Variants in NDUFS7 observed in about 807,000 individuals in gnomAD.
The protein encoded by NDUFS7 is NADH:ubiquinone oxidoreductase core subunit S7.
Under a neutral mutation model 31.1 loss-of-function variants are expected in NDUFS7, and 11 were observed. The ratio of observed to expected loss-of-function variants is 0.35; its 90% confidence interval spans 0.22 to 0.59. NDUFS7 has a LOEUF of 0.59. Ranked by LOEUF, NDUFS7 falls within the 20% of genes least tolerant of loss-of-function variation. The pLI is 0.79. For missense variants in NDUFS7, 263 were observed against 324.2 expected (o/e 0.81, Z 1.45); for synonymous variants, 136 against 127.9 (o/e 1.06, Z -0.43).
At chr19:1,394,825 C>T in intron 7 of NDUFS7, 2 of 1,165,652 alleles carry the variant, frequency 1.7e-6, no homozygotes, top group Non-Finnish European at 2.1e-6. Context: ...CCTGCTGTCC[C>T]CGTTGGGCCC....
At chr19:1,384,065 C>A (rs1766810023) in intron 1 of NDUFS7, 123 bp downstream of exon 1, 2 of 1,094,620 alleles carry the variant, frequency 1.8e-6, no homozygotes, top group South Asian at 1.8e-5. Flanking sequence ...CCGGGCTTCT[C>A]CGAGCCGGCC....
rs760759163 is a variant in NDUFS7 at position 1,389,101 on chromosome 19, G to A, written c.228+163G>A. The A allele has an allele frequency of 6.8e-6, 5 of 730,916 alleles. No homozygotes were observed. The African/African-American group carries it at 8.6e-5, about 13-fold the overall frequency. The allele number at this position is 730,916 out of a possible 1,614,324, so 45.3% of individuals were successfully genotyped here. A position where few individuals can be genotyped will look rare whatever the true frequency, so the allele number is the denominator to read the frequency against. Reference sequence around the variant, plus strand: ...TGCAAGCTCACATGTATGGACAGATGTGTACACGGACCACACGCACACTCA... The same window carrying A: ...TGCAAGCTCACATGTATGGACAGATATGTACACGGACCACACGCACACTCA... On this transcript the variant is annotated intron_variant, in intron 4 of 7. Transcript: ENST00000233627.
chr19:1,394,660 C>T (rs1031571234), intron 7 of NDUFS7: 20 of 1,226,108 alleles, frequency 1.6e-5, no homozygotes, highest in Non-Finnish European at 2.1e-5. Context: ...CCTCGCTCCT[C>T]CCTCCCTCCC....
At chr19:1,389,387 GCACACAGGCACACTCACTGATGCACA>G in intron 4 of NDUFS7, 1 of 462,154 alleles carries the variant, frequency 2.2e-6, no homozygotes, top group South Asian at 1.5e-5. Flanking sequence ...TGGCATGCAT[GCACACAGGCACACTCACTGATGCACA>G]CACACCCCTG....
chr19:1,390,391 GC>G, intron 4 of NDUFS7: 1 of 226,786 alleles, frequency 4.4e-6, no homozygotes, highest in South Asian at 6.0e-5. Flanking sequence ...TGCAGGGAGA[GC>G]GGGAACGGTG....
At chr19:1,389,280 C>A (rs1015435952) in intron 4 of NDUFS7, 16 of 595,072 alleles carry the variant, frequency 2.7e-5, no homozygotes, top group African/African-American at 2.4e-4. Context: ...CACGCACACT[C>A]GCACACACGT....
At chr19:1,389,910 T>TC (rs1187946103) in intron 4 of NDUFS7, 1 of 195,912 alleles carries the variant, frequency 5.1e-6, no homozygotes, top group Non-Finnish European at 1.1e-5. Flanking sequence ...TTCTTTTCTT[T>TC]TTTTTTTTTT....
chr19:1,388,401 G>A, intron 2 of NDUFS7, 124 bp from the exon 3 acceptor site: 1 of 917,038 alleles, frequency 1.1e-6, no homozygotes, highest in Admixed American at 2.0e-5. Context: ...TGGCCCAAGT[G>A]TTGACAGGCA....
chr19:1,387,892 C>CA (rs754104107), intron 2 of NDUFS7, 45 bp downstream of exon 2: 2 of 1,223,428 alleles, frequency 1.6e-6, no homozygotes, highest in Non-Finnish European at 2.3e-6. Context: ...GGGCCTTCAG[C>CA]AGCGACAGAC....
intron 2 of NDUFS7, 63 bp from the exon 3 acceptor site, chr19:1,388,462 G>T (rs2082524402): frequency 6.8e-7 from 1 of 1,462,462 alleles, no homozygotes; most frequent in Non-Finnish European, 9.5e-7. Flanking sequence ...ACAACAGTGA[G>T]TGCGGCTGGG....
chr19:1,389,551 GTGTGTTCCTCT>G (rs1568991040), intron 4 of NDUFS7: 2 of 456,240 alleles, frequency 4.4e-6, no homozygotes, highest in Admixed American at 4.7e-5. Flanking sequence ...TCTGGCGTCC[GTGTGTTCCTCT>G]TGTTTCTCTT....
chr19:1,389,666 G>A lies in NDUFS7; in HGVS notation c.228+728G>A, dbSNP rs542189326. ...GTTTAAAGCCTCCCCTGCCTGTGGC[G>A]CCAGCCCCCACGCAGCCCCTGCCAT... is the stretch of plus-strand genomic sequence containing the variant. On this transcript the variant is annotated intron_variant, in intron 4 of 7. Coordinates refer to ENST00000233627, the MANE Select transcript of NDUFS7 (RefSeq NM_024407.5). The A allele has an allele frequency of 1.6e-5, 6 of 370,218 alleles. No individual in the cohort carries two copies. The East Asian group carries it at 2.2e-4, about 14-fold the overall frequency. The allele number at this position is 370,218 out of a possible 1,614,324, so 22.9% of individuals were successfully genotyped here.
At position 1,387,795 on chromosome 19, in the gene NDUFS7, G is replaced by A. The variant is rs370648088; in HGVS notation, c.17-16G>A. 24 of 1,611,172 alleles carry A rather than the reference G, an allele frequency of 1.5e-5. No homozygotes were observed. Among genetic ancestry groups the A allele is most frequent in the Non-Finnish European group, 1.9e-5 (23 of 1,179,806 alleles). ...GCCCGCAGCTCACTGTTCCCACCCC[G>A]TGGTCCTCTCTGCAGCTCCTGGCCT... On this transcript the variant is annotated splice_polypyrimidine_tract_variant and intron_variant, in intron 1 of 7. Coordinates refer to ENST00000233627, the MANE Select transcript of NDUFS7 (RefSeq NM_024407.5).
At chr19:1,386,454 G>A (rs576560344) in intron 1 of NDUFS7, 3 of 152,278 alleles carry the variant, frequency 2.0e-5, no homozygotes, top group South Asian at 2.1e-4. Flanking sequence ...AAGTCATATC[G>A]GATGAGGGCC....
chr19:1,388,740 C>T, intron 3 of NDUFS7, 93 bp from the exon 4 acceptor site: 5 of 1,453,200 alleles, frequency 3.4e-6, no homozygotes, highest in Non-Finnish European at 4.7e-6. Flanking sequence ...CATGTGGGTC[C>T]AGGCCTCTGG....
At chr19:1,395,062 T>C in intron 7 of NDUFS7, 1 of 1,238,936 alleles carries the variant, frequency 8.1e-7, no homozygotes, top group Non-Finnish European at 1.0e-6. Flanking sequence ...GTGTGTCTGC[T>C]GAGCGCTGGC....
chr19:1,395,269 T>G, intron 7 of NDUFS7, 122 bp from the exon 8 acceptor site: 1 of 1,479,962 alleles, frequency 6.8e-7, no homozygotes, highest in Non-Finnish European at 9.0e-7. Flanking sequence ...CACCCAGGGC[T>G]GTCAGCCTCC....
Position 1,390,840 on chromosome 19 carries a change from G to A in NDUFS7, c.229-31G>A, listed in dbSNP as rs7256647. On this transcript the variant is annotated intron_variant, in intron 4 of 7. Transcript: ENST00000233627. ...CGCTGGGCCACGCGGGGCTCCGGGG[G>A]TGGCGTCTGACCCGAGCCCGGCCTC... The A allele has an allele frequency of 0.057, 90,932 of 1,600,536 alleles. 7,421 individuals are homozygous for A. The highest frequency in any genetic ancestry group is 0.29 in the African/African-American group (21,881 of 74,806).
At chr19:1,391,232 T>A (rs2082555401) in intron 6 of NDUFS7, 67 bp downstream of exon 6, 1 of 1,562,270 alleles carries the variant, frequency 6.4e-7, no homozygotes, top group African/African-American at 1.4e-5. Flanking sequence ...CGTGCCCTGA[T>A]GGCGCTTATC....
Sources: allele counts gnomAD v4.1 joint callset, GRCh38; gene constraint gnomAD v4.1.1; transcripts MANE v1.5; gene names NCBI Gene and HGNC (gene_info 2026-07-23, HGNC 2026-07-21).